The following ITGA11 variants were observed in gnomAD, a reference collection of about 807,000 sequenced individuals.
ITGA11 encodes the protein integrin alpha-11.
ITGA11 carries 97 observed loss-of-function variants against 141.9 expected under a neutral mutation model. The ratio of observed to expected loss-of-function variants is 0.68; its 90% CI spans 0.58 to 0.81. The LOEUF (loss-of-function observed/expected upper bound fraction) is 0.81. ITGA11 is among the 30% of genes least tolerant of loss of function. The pLI is 0.00. For missense variants in ITGA11, 1,387 were observed against 1,559.2 expected (o/e 0.89, Z 1.86); for synonymous variants, 658 against 624.6 (o/e 1.05, Z -0.80).
chr15:68,400,642 TTA>T (rs1896454643), intron 2 of ITGA11, among the ~76,000 whole-genome samples: 1 of 64,086 alleles, frequency 1.6e-5, no homozygotes, highest in Non-Finnish European at 2.6e-5. Flanking sequence ...TATTATAATA[TTA>T]TATATTATAT....
Position 68,348,837 on chromosome 15 carries a change from A to G in ITGA11, c.1124T>C (p.Val375Ala). ...CGTACCTCCACCACATACCTCCACC[A>G]CGTGCGAGGAAAAGCCCGTCTGTGA... ...EMSQTGFSSH[V>A]VEDGVLLGAV... The change falls in exon 10 of 30, where the codon GTG becomes GCG. Residue 375 changes from valine to alanine, a missense_variant. Coordinates refer to ENST00000315757, the MANE Select transcript of ITGA11 (RefSeq NM_001004439.2). 6.2e-7 allele frequency: 1 copy of G among 1,607,890 alleles called. No homozygotes were observed. The highest frequency in any genetic ancestry group is 8.5e-7 in the Non-Finnish European group (1 of 1,177,232).
intron 7 of ITGA11, among the ~76,000 whole-genome samples, chr15:68,355,342 A>G (rs187133904): frequency 2.6e-4 from 39 of 152,352 alleles, no homozygotes; most frequent in Admixed American, 9.1e-4. Context: ...GCAAACAGAA[A>G]CACGCTAGTT....
At chr15:68,387,300 C>T (rs1896009417) in intron 2 of ITGA11, among the ~76,000 whole-genome samples, 1 of 151,020 alleles carries the variant, frequency 6.6e-6, no homozygotes, top group African/African-American at 2.4e-5. Flanking sequence ...CAGATGGAGG[C>T]ATCTACACGG....
Position 68,320,348 on chromosome 15 carries a change from G to T in ITGA11, c.2453C>A (p.Ser818Tyr). ...RVLRKPAQDC[S>Y]AYTLSFDTTV... ...GGTGTCGAAGGACAGCGTGTATGCG[G>T]AGCAGTCCTGCGCAGGCTTCCTCAG... The change falls in exon 20 of 30, where the codon TCC becomes TAC. Residue 818 changes from serine (S) to tyrosine (Y), a missense_variant. Coordinates refer to ENST00000315757, the MANE Select transcript of ITGA11 (RefSeq NM_001004439.2). The T allele has an allele frequency of 1.2e-6, 2 of 1,610,640 alleles. No homozygotes were observed. Among genetic ancestry groups the T allele is most frequent in the Non-Finnish European group, 1.7e-6 (2 of 1,178,368 alleles).
intron 2 of ITGA11, among the ~76,000 whole-genome samples, chr15:68,399,039 C>T (rs1896398197): frequency 6.6e-6 from 1 of 151,810 alleles, no homozygotes; most frequent in South Asian, 2.1e-4. Flanking sequence ...ATAAAAATCT[C>T]AGCAAATTTT....
At chr15:68,344,251 A>G (rs1380882) in intron 10 of ITGA11, among the ~76,000 whole-genome samples, 57,174 of 151,938 alleles carry the variant, frequency 0.38, 10,972 homozygotes, top group East Asian at 0.46. Context: ...CTGCCCGCCC[A>G]GCCTGGCAGG....
Position 68,297,054 on chromosome 15 carries a change from C to T in ITGA11, c.*6005G>A, listed in dbSNP as rs1260932510. ...TTCCGGGCTCAAGTGATCCTCTCAC[C>T]TCAGCCTCCCAAGTAGCTGGGACTA... On this transcript the variant is annotated 3_prime_UTR_variant, in exon 30 of 30. Transcript: ENST00000315757. 1 of 152,200 alleles carries T rather than the reference C, an allele frequency of 6.6e-6. No homozygotes were observed. The highest frequency in any genetic ancestry group is 1.9e-4 in the East Asian group (1 of 5,192). The allele number at this position is 152,200 out of a possible 1,614,324, so 9.4% of individuals were successfully genotyped here. A position where few individuals can be genotyped will look rare whatever the true frequency, so the allele number is the denominator to read the frequency against.
chr15:68,395,894 T>C (rs904935557), intron 2 of ITGA11, among the ~76,000 whole-genome samples: 4 of 150,396 alleles, frequency 2.7e-5, no homozygotes, highest in Non-Finnish European at 4.4e-5. Flanking sequence ...AAAAAAGAAG[T>C]TGAATCTATA....
At chr15:68,429,698 T>A (rs1897226931) in intron 1 of ITGA11, among the ~76,000 whole-genome samples, 2 of 151,952 alleles carry the variant, frequency 1.3e-5, no homozygotes, top group Non-Finnish European at 2.9e-5. Flanking sequence ...GCCTGAGGAG[T>A]GAACCCAATG....
chr15:68,379,343 T>C (rs1895804564), intron 2 of ITGA11, among the ~76,000 whole-genome samples: 1 of 152,224 alleles, frequency 6.6e-6, no homozygotes, highest in Admixed American at 6.5e-5. Context: ...ATTGTTTGTG[T>C]CTTTTATCTC....
At position 68,303,832 on chromosome 15, in the gene ITGA11, A is replaced by G. The variant is rs770147546; in HGVS notation, c.3435T>C (p.Ile1145=). 3 of 1,613,380 alleles carry G rather than the reference A, an allele frequency of 1.9e-6. No individual in the cohort carries two copies. The East Asian group carries it at 6.7e-5, about 36-fold the overall frequency. The part of the protein sequence containing the change: ...QEDWQVPIWI[I]VGSTLGGLLL... ...GGAGGCCCCCCAGGGTGCTGCCTACAATGATCCAGATGGGGACCTGCCAGT... is the reference window on the plus strand; with the variant it reads ...GGAGGCCCCCCAGGGTGCTGCCTACGATGATCCAGATGGGGACCTGCCAGT... The change falls in exon 29 of 30, where the codon ATT becomes ATC. Residue 1145 remains isoleucine (I), a synonymous_variant. Coordinates refer to ENST00000315757, the MANE Select transcript of ITGA11 (RefSeq NM_001004439.2). This position sits in a 1 kb window ranked among gnomAD's most constrained non-coding sequence, Gnocchi z 5.3.
At chr15:68,421,207 C>CATGT (rs1897008611) in intron 1 of ITGA11, among the ~76,000 whole-genome samples, 5 of 9,000 alleles carry the variant, frequency 5.6e-4, no homozygotes, top group East Asian at 2.6e-3. Flanking sequence ...GAGGGGGAGG[C>CATGT]TGGATACAGC....
chr15:68,431,897 C>T lies in ITGA11; in HGVS notation c.52+118G>A, dbSNP rs111639557. On this transcript the variant is annotated intron_variant, in intron 1 of 29. Transcript: ENST00000315757. ...CCTGGGGGACCCACGTCCCCAAGAG[C>T]AGCTGAGGTCTGACCCTGGGAGGAG... is the stretch of plus-strand genomic sequence containing the variant. 146 of 653,014 alleles carry T rather than the reference C, an allele frequency of 2.2e-4. No homozygotes were observed. In the African/African-American group the frequency reaches 2.4e-3, roughly 11 times the overall value. The allele number at this position is 653,014 out of a possible 1,614,324, so 40.5% of individuals were successfully genotyped here. A position where few individuals can be genotyped will look rare whatever the true frequency, so the allele number is the denominator to read the frequency against.
At position 68,366,732 on chromosome 15, in the gene ITGA11, T is replaced by C. The variant is rs952008763; in HGVS notation, c.266-1934A>G. Among the ~76,000 whole-genome samples the C allele has an allele frequency of 2.0e-5, 3 of 152,034 alleles. No individual in the cohort carries two copies. The East Asian group carries it at 5.8e-4, about 29-fold the overall frequency. On this transcript the variant is annotated intron_variant, in intron 3 of 29. Transcript: ENST00000315757. The stretch of plus-strand genomic sequence containing the variant: ...AGAGACTCACGCCTTCCTCAGCAGG[T>C]CTGGGTGAGGGTCCCGGGCCCAGAT...
chr15:68,387,263 G>A lies in ITGA11; in HGVS notation c.164+15655C>T, dbSNP rs560905980. Among the ~76,000 whole-genome samples the A allele has an allele frequency of 6.6e-5, 10 of 152,178 alleles. No individual in the cohort carries two copies. In the East Asian group the frequency reaches 1.4e-3, roughly 21 times the overall value. On this transcript the variant is annotated intron_variant, in intron 2 of 29. Coordinates refer to ENST00000315757, the MANE Select transcript of ITGA11 (RefSeq NM_001004439.2). ...CCACTTCACCTCCAGCCCCATCTCC[G>A]CTGTCTCTGGGCTCTCCCTGGCCCC...
At chr15:68,350,405 G>A (rs1894867655) in intron 9 of ITGA11, among the ~76,000 whole-genome samples, 1 of 152,042 alleles carries the variant, frequency 6.6e-6, no homozygotes. Flanking sequence ...GACCAAACTG[G>A]TCTTGAACTC....
intron 18 of ITGA11, among the ~76,000 whole-genome samples, chr15:68,323,235 C>G (rs75685703): frequency 1.3e-5 from 2 of 152,078 alleles, no homozygotes; most frequent in Non-Finnish European, 2.9e-5. Context: ...ACCGTGGAGC[C>G]GTTTGGGAAA....
intron 21 of ITGA11, among the ~76,000 whole-genome samples, chr15:68,315,960 T>A (rs1893560585): frequency 6.6e-6 from 1 of 152,156 alleles, no homozygotes; most frequent in African/African-American, 2.4e-5. Context: ...ACAATGGGGT[T>A]TCTCGGGGCT....
In ITGA11 at chr15:68,326,786, G is replaced by A; in HGVS notation, c.2079C>T (p.Tyr693=). ...ACCGCCTCTCATCCATGGTGGCGTT[G>A]TATCTGATGCCTGCAGGAGGGGAGA... ...HFQTTTVGIR[Y]NATMDERRYT... The change falls in exon 17 of 30, where the codon TAC becomes TAT. Residue 693 remains tyrosine (Y), a synonymous_variant. Coordinates refer to ENST00000315757, the MANE Select transcript of ITGA11 (RefSeq NM_001004439.2). The surrounding 1 kb of genome is among the most constrained non-coding windows in gnomAD (Gnocchi z 6.8). 1 of 1,580,860 alleles carries A rather than the reference G, an allele frequency of 6.3e-7. No homozygotes were observed.
Sources: allele counts gnomAD v4.1 joint callset (sites outside exome capture counted in the v4.1 genomes callset), GRCh38; gene constraint gnomAD v4.1.1; non-coding constraint Gnocchi (gnomAD v3.1); transcripts MANE v1.5; gene names NCBI Gene and HGNC (gene_info 2026-07-23, HGNC 2026-07-21).